The following SLC4A2 variants were observed in gnomAD, a reference collection of about 807,000 sequenced individuals.
SLC4A2 encodes anion exchange protein 2.
SLC4A2 carries 36 observed loss-of-function variants against 115.0 expected under a neutral mutation model. That is an observed-to-expected ratio of 0.31 (90% confidence interval 0.24 to 0.41). SLC4A2 has a LOEUF of 0.41. SLC4A2 is among the 10% of genes least tolerant of loss of function. SLC4A2 has a pLI of 1.00. For synonymous variants in SLC4A2, 708 were observed against 708.3 expected, an observed-to-expected ratio of 1.00 and a Z score of 0.01; for missense variants, 1,252 against 1,705.6, an observed-to-expected ratio of 0.73 and a Z score of 4.68.
chr7:151,071,362 G>A lies in SLC4A2; in HGVS notation c.1976-28G>A. 1 of 1,560,742 alleles carries A rather than the reference G, an allele frequency of 6.4e-7. No individual in the cohort carries two copies. The highest frequency in any genetic ancestry group is 8.6e-7 in the Non-Finnish European group (1 of 1,157,652). ...GGGTGAGGTGGGCAAGAGGGGCTGG[G>A]GCGCCCTGACGGAGGCCTGGGTTGC... is the stretch of plus-strand genomic sequence containing the variant. On this transcript the variant is annotated intron_variant, in intron 13 of 22. Coordinates refer to ENST00000413384, the MANE Select transcript of SLC4A2 (RefSeq NM_003040.4). This position sits in a 1 kb window ranked among gnomAD's most constrained non-coding sequence, Gnocchi z 5.5.
intron 16 of SLC4A2, among the ~76,000 whole-genome samples, chr7:151,073,109 G>A (rs1797496302): frequency 2.0e-5 from 3 of 151,926 alleles, no homozygotes; most frequent in South Asian, 2.1e-4. Context: ...CGGGCCCCAC[G>A]CCTGGCTAAT....
rs2303935 is a variant in SLC4A2, at chr7:151,071,337, G to C, written c.1975+40G>C. 7.7e-3 allele frequency: 11,978 copies of C among 1,545,858 alleles called. 1,013 individuals carry two copies. In the East Asian group the frequency reaches 0.21, roughly 27 times the overall value. Reference sequence around the variant, plus strand: ...GGCTGGGGCCAGGGCTGCCTCGAGGGGGTGAGGTGGGCAAGAGGGGCTGGG... The same window carrying C: ...GGCTGGGGCCAGGGCTGCCTCGAGGCGGTGAGGTGGGCAAGAGGGGCTGGG... On this transcript the variant is annotated intron_variant, in intron 13 of 22. Transcript: ENST00000413384. The surrounding 1 kb of genome is among the most constrained non-coding windows in gnomAD (Gnocchi z 5.5).
chr7:151,072,800 A>T (rs528959255), intron 16 of SLC4A2, among the ~76,000 whole-genome samples: 32 of 151,840 alleles, frequency 2.1e-4, no homozygotes, highest in Non-Finnish European at 3.7e-4. Flanking sequence ...CTGGGATTAC[A>T]GGCACACGCC....
intron 21 of SLC4A2, 91 bp from the exon 22 acceptor site, chr7:151,075,922 T>C: frequency 1.4e-6 from 2 of 1,468,696 alleles, no homozygotes; most frequent in Non-Finnish European, 1.8e-6. Flanking sequence ...CACCTAGGAA[T>C]GTTCTTCCAT....
chr7:151,071,663 T>A lies in SLC4A2; in HGVS notation c.2192-26T>A. The A allele has an allele frequency of 6.2e-7, 1 of 1,611,820 alleles. No homozygotes were observed. Among genetic ancestry groups the A allele is most frequent in the African/African-American group, 1.3e-5 (1 of 74,914 alleles). ...GACTGCCCAGGGCCTGGCCACCAGC[T>A]CCTGAGCTGGTTCCTACACCCCTAG... On this transcript the variant is annotated intron_variant, in intron 14 of 22. Coordinates refer to ENST00000413384, the MANE Select transcript of SLC4A2 (RefSeq NM_003040.4). The surrounding 1 kb of genome is among the most constrained non-coding windows in gnomAD (Gnocchi z 5.5).
chr7:151,075,556 C>T (rs200470816), intron 20 of SLC4A2, 48 bp downstream of exon 20: 4 of 1,589,322 alleles, frequency 2.5e-6, no homozygotes, highest in African/African-American at 2.7e-5. Context: ...CCCAGGGCTA[C>T]TGGGGCCAGG....
chr7:151,066,523 G>C lies in SLC4A2; in HGVS notation c.585G>C (p.Gln195His). 6.6e-7 allele frequency: 1 copy of C among 1,522,162 alleles called. No homozygotes were observed. The highest frequency in any genetic ancestry group is 8.8e-7 in the Non-Finnish European group (1 of 1,135,044). The allele number at this position is 1,522,162 out of a possible 1,614,324, so 94.3% of individuals were successfully genotyped here. A position where few individuals can be genotyped will look rare whatever the true frequency, so the allele number is the denominator to read the frequency against. The change falls in exon 6 of 23, where the codon CAG (glutamine) becomes CAC (histidine). Residue 195 changes from glutamine to histidine, a missense_variant. Physicochemically the swap from Gln to His is conservative, Grantham distance 24 (BLOSUM62 0). Transcript: ENST00000413384. ...GGCCATTCTGTCTGCCTAGAACCCA[G>C]GTGGAGGAGGCGGAGGCGGAGGCGG... Reference protein sequence around the residue: ...RASKGAQAGTQVEEAEAEAVA... With the variant: ...RASKGAQAGTHVEEAEAEAVA...
chr7:151,071,322 AG>A lies in SLC4A2; in HGVS notation c.1975+28del, dbSNP rs1563357350. 2.6e-6 allele frequency: 4 copies of A among 1,544,246 alleles called. No homozygotes were observed. Among genetic ancestry groups the A allele is most frequent in the South Asian group, 2.4e-5 (2 of 84,688 alleles). ...GGTACGGCCAGGGCGGGCTGGGGCC[AG>A]GGCTGCCTCGAGGGGGTGAGGTGGG... On this transcript the variant is annotated intron_variant, in intron 13 of 22. Coordinates refer to ENST00000413384, the MANE Select transcript of SLC4A2 (RefSeq NM_003040.4). The surrounding 1 kb of genome is among the most constrained non-coding windows in gnomAD (Gnocchi z 5.5).
intron 8 of SLC4A2, 59 bp downstream of exon 8, chr7:151,068,113 GC>G: frequency 7.7e-7 from 1 of 1,304,650 alleles, no homozygotes. Context: ...CTCCCACATG[GC>G]CCCAAATCTG....
At chr7:151,073,913 A>G in intron 16 of SLC4A2, 126 bp from the exon 17 acceptor site, 1 of 1,045,450 alleles carries the variant, frequency 9.6e-7, no homozygotes, top group African/African-American at 1.6e-5. Flanking sequence ...TTAATTCAAC[A>G]AGACAAGCTC....
rs772926987 is a variant in SLC4A2, at chr7:151,067,933, G to A, written c.1026G>A (p.Glu342=). ...AAAACCAGGAGCCCCAGTGGCGGGA[G>A]ACAGCTCGCTGGATCAAATTTGAAG... ...LDKNQEPQWR[E]TARWIKFEED... Residue 342 remains glutamate, a synonymous_variant, in exon 8 of 23, where the codon GAG becomes GAA. Coordinates refer to ENST00000413384, the MANE Select transcript of SLC4A2 (RefSeq NM_003040.4). The A allele has an allele frequency of 1.4e-5, 22 of 1,611,472 alleles. No individual in the cohort carries two copies. Among genetic ancestry groups the A allele is most frequent in the Non-Finnish European group, 1.9e-5 (22 of 1,179,356 alleles).
At position 151,074,682 on chromosome 7, in the gene SLC4A2, G is replaced by T; in HGVS notation, c.2888G>T (p.Ser963Ile). 6.3e-7 allele frequency: 1 copy of T among 1,598,352 alleles called. No homozygotes were observed. Residue 963 changes from serine to isoleucine, a missense_variant, in exon 19 of 23, where the codon AGC becomes ATC. Physicochemically the swap from Ser to Ile is moderately radical, Grantham distance 142 (BLOSUM62 -2). Transcript: ENST00000413384. ...ACTGTGTCTGCCCTGCAGAAGCTGA[G>T]CGTTCCCAGTGGATTCTCGGTGACT... The part of the protein sequence containing the change: ...SIEDTYTQKL[S>I]VPSGFSVTAP...
chr7:151,074,690 A>G lies in SLC4A2; in HGVS notation c.2896A>G (p.Ser966Gly), dbSNP rs1563364141. 6.2e-7 allele frequency: 1 copy of G among 1,600,344 alleles called. No individual in the cohort carries two copies. The highest frequency in any genetic ancestry group is 1.1e-5 in the South Asian group (1 of 90,460). ...TGCCCTGCAGAAGCTGAGCGTTCCC[A>G]GTGGATTCTCGGTGACTGCCCCAGA... ...DTYTQKLSVPSGFSVTAPEKR... is the reference protein window; with the variant it reads ...DTYTQKLSVPGGFSVTAPEKR... The change falls in exon 19 of 23, where the codon AGT (serine) becomes GGT (glycine). Residue 966 changes from serine (S) to glycine (G), a missense_variant. By Grantham distance (56) the Ser-to-Gly change is moderately conservative (BLOSUM62 0). This residue lies in a region of SLC4A2 where 253 missense variants were observed against 407.4 expected (regional missense o/e 0.62). Coordinates refer to ENST00000413384, the MANE Select transcript of SLC4A2 (RefSeq NM_003040.4).
chr7:151,067,099 G>A, intron 7 of SLC4A2, 106 bp downstream of exon 7: 1 of 1,234,254 alleles, frequency 8.1e-7, no homozygotes, highest in East Asian at 2.4e-5. Context: ...CTGTTGTTTT[G>A]TTGTTGTTTG....
intron 16 of SLC4A2, among the ~76,000 whole-genome samples, chr7:151,072,352 C>T (rs376427933): frequency 4.0e-5 from 6 of 151,454 alleles, no homozygotes; most frequent in East Asian, 2.0e-4. Flanking sequence ...AGTGCAGTGG[C>T]GTGACCTTGG....
chr7:151,074,056 C>T lies in SLC4A2; in HGVS notation c.2553C>T (p.Pro851=). ...CTCCCCAGATCTTCCAGGAGCACCC[C>T]CTGCATGGCTGCTCAGCCTCCAACA... ...YKLVKIFQEH[P]LHGCSASNSS... Residue 851 remains proline (P), a synonymous_variant, in exon 17 of 23, where the codon CCC becomes CCT. Coordinates refer to ENST00000413384, the MANE Select transcript of SLC4A2 (RefSeq NM_003040.4). The T allele has an allele frequency of 6.3e-7, 1 of 1,586,780 alleles. No homozygotes were observed. The highest frequency in any genetic ancestry group is 8.6e-7 in the Non-Finnish European group (1 of 1,161,570).
chr7:151,068,832 A>C (rs567846732), intron 8 of SLC4A2, among the ~76,000 whole-genome samples: 22 of 146,240 alleles, frequency 1.5e-4, no homozygotes, highest in African/African-American at 7.5e-5. Context: ...AAATTAAATT[A>C]AAAAAAAAAA....
At chr7:151,061,836 C>A in intron 1 of SLC4A2, 89 bp from the exon 2 acceptor site, 1 of 665,094 alleles carries the variant, frequency 1.5e-6, no homozygotes, top group Non-Finnish European at 2.7e-6. Flanking sequence ...CCTTCATACT[C>A]CAGGAGGATC....
intron 2 of SLC4A2, chr7:151,063,277 C>G (rs1255527886): frequency 9.4e-7 from 1 of 1,058,384 alleles, no homozygotes; most frequent in South Asian, 1.7e-5. Context: ...GGGAGCTCTC[C>G]TGGGGGCTGA....
Sources: allele counts gnomAD v4.1 joint callset (sites outside exome capture counted in the v4.1 genomes callset), GRCh38; gene constraint gnomAD v4.1.1; regional missense constraint gnomAD v4.1.1; non-coding constraint Gnocchi (gnomAD v3.1); transcripts MANE v1.5; gene names NCBI Gene and HGNC (gene_info 2026-07-23, HGNC 2026-07-21).